The following FRMPD4 variants were observed in gnomAD, a reference collection of about 807,000 sequenced individuals.
FRMPD4 encodes FERM and PDZ domain containing 4.
FRMPD4 carries 22 observed loss-of-function variants against 94.1 expected under a neutral mutation model. That is an observed-to-expected ratio of 0.23 (90% confidence interval 0.17 to 0.33). The LOEUF (loss-of-function observed/expected upper bound fraction) is 0.33, where lower values mean the gene tolerates loss of function less well. FRMPD4 is among the 10% of genes least tolerant of loss of function. The pLI, the probability that FRMPD4 is intolerant of heterozygous loss-of-function variation, is 1.00. For synonymous variants in FRMPD4, 631 were observed against 548.6 expected, an observed-to-expected ratio of 1.15 and a Z score of -2.10; for missense variants, 1,111 against 1,339.9, an observed-to-expected ratio of 0.83 and a Z score of 2.67.
chrX:12,422,608 T>C (rs1038735231), intron 1 of FRMPD4, among the ~76,000 whole-genome samples: 1 of 112,095 alleles, frequency 8.9e-6, no homozygotes, highest in Non-Finnish European at 1.9e-5. Context: ...TTCAGAATGA[T>C]TACAGAGGAT....
At chrX:11,953,373 G>A (rs2054236083) in intron 3 of FRMPD4, among the ~76,000 whole-genome samples, 1 of 111,741 alleles carries the variant, frequency 8.9e-6, no homozygotes, top group Admixed American at 9.5e-5. Context: ...TTAAAGATAA[G>A]TCTCATTAAA....
chrX:12,280,760 C>T (rs775446169), intron 1 of FRMPD4, among the ~76,000 whole-genome samples: 5 of 111,565 alleles, frequency 4.5e-5, no homozygotes, highest in African/African-American at 1.6e-4. Flanking sequence ...ACACATCTCT[C>T]TGTTTCAGCC....
chrX:12,487,323 T>C (rs1414750872), intron 1 of FRMPD4, among the ~76,000 whole-genome samples: 4 of 112,156 alleles, frequency 3.6e-5, no homozygotes, highest in South Asian at 3.7e-4. Flanking sequence ...AAAATTGTGC[T>C]CAATAAAAGG....
intron 1 of FRMPD4, among the ~76,000 whole-genome samples, chrX:12,293,625 G>A (rs6530499): frequency 0.046 from 5,126 of 112,473 alleles, 296 homozygotes; most frequent in African/African-American, 0.16. Flanking sequence ...GTGCAAGTCA[G>A]CCTGTGCTTT....
At chrX:12,266,389 C>T (rs191808158) in intron 1 of FRMPD4, among the ~76,000 whole-genome samples, 1,280 of 111,117 alleles carry the variant, frequency 0.012, 21 homozygotes, top group African/African-American at 0.04. Flanking sequence ...TGGCTCTTTT[C>T]CTTATGATTC....
At chrX:12,215,208 G>A (rs1380433723) in intron 1 of FRMPD4, among the ~76,000 whole-genome samples, 2 of 111,159 alleles carry the variant, frequency 1.8e-5, no homozygotes, top group African/African-American at 6.5e-5. Context: ...TTTTTGAGAG[G>A]CATTTATTTA....
intron 3 of FRMPD4, among the ~76,000 whole-genome samples, chrX:12,059,113 C>G (rs913104447): frequency 2.3e-4 from 26 of 111,409 alleles, no homozygotes; most frequent in African/African-American, 8.1e-4. Context: ...GTACAGACAC[C>G]TTTTATAAAT....
At chrX:12,420,552 G>A (rs1366288992) in intron 1 of FRMPD4, among the ~76,000 whole-genome samples, 1 of 111,732 alleles carries the variant, frequency 8.9e-6, no homozygotes, top group Admixed American at 9.5e-5. Context: ...TGCTGCCATG[G>A]GCTCTCCCCT....
At chrX:12,367,916 C>T (rs751760684) in intron 1 of FRMPD4, among the ~76,000 whole-genome samples, 27 of 112,072 alleles carry the variant, frequency 2.4e-4, no homozygotes, top group Admixed American at 2.8e-4. Flanking sequence ...CCTGACTATA[C>T]CTGTCTATCC....
chrX:12,269,558 C>T (rs1308261794), intron 1 of FRMPD4, among the ~76,000 whole-genome samples: 4 of 112,340 alleles, frequency 3.6e-5, no homozygotes. Context: ...TTGTTTGAAA[C>T]TATGTCTAAG....
chrX:12,612,433 A>G (rs1239444779), intron 3 of FRMPD4, among the ~76,000 whole-genome samples: 3 of 112,371 alleles, frequency 2.7e-5, no homozygotes, highest in South Asian at 7.4e-4. Flanking sequence ...AGCTGTGTCT[A>G]TCATAAAAAT....
At chrX:11,829,991 TGGA>T (rs1410758556) in intron 1 of FRMPD4, among the ~76,000 whole-genome samples, 1 of 111,548 alleles carries the variant, frequency 9.0e-6, no homozygotes, top group East Asian at 2.8e-4. Context: ...GAAAAAGAGT[TGGA>T]GGAGAAGGGG....
intron 3 of FRMPD4, among the ~76,000 whole-genome samples, chrX:12,047,887 A>G (rs1435985540): frequency 8.9e-6 from 1 of 112,358 alleles, no homozygotes; most frequent in Non-Finnish European, 1.9e-5. Context: ...CATTTTCTTT[A>G]TCCAATCCAC....
chrX:12,447,900 G>A (rs189485993), intron 1 of FRMPD4, among the ~76,000 whole-genome samples: 198 of 111,693 alleles, frequency 1.8e-3, no homozygotes, highest in African/African-American at 5.9e-3. Flanking sequence ...TGTTGCCTTC[G>A]AACATCTGCT....
rs2042233829 is a variant in FRMPD4, at chrX:12,721,239, G to A, written c.4670G>A (p.Gly1557Glu). The change falls in exon 17 of 17, where the codon GGG becomes GAG. Residue 1557 changes from glycine (G) to glutamate (E), a missense_variant. Physicochemically the swap from Gly to Glu is moderately conservative, Grantham distance 98. Coordinates refer to ENST00000675598, the MANE Select transcript of FRMPD4 (RefSeq NM_001368397.1). ...CLAVAIQKQR[G>E]ELSRGSVLKV... is the part of the protein sequence containing the mutation. ...GCTGTGGCGATTCAGAAGCAACGAG[G>A]GGAGCTATCCAGAGGGTCAGTGCTG... The A allele has an allele frequency of 1.3e-6, 1 of 754,313 alleles. No individual in the cohort carries two copies. The highest frequency in any genetic ancestry group is 2.3e-5 in the African/African-American group (1 of 43,091). The allele number at this position is 754,313 out of a possible 1,213,427, so 62.2% of individuals were successfully genotyped here.
chrX:12,526,902 A>G (rs979051523), intron 2 of FRMPD4, among the ~76,000 whole-genome samples: 15 of 112,075 alleles, frequency 1.3e-4, no homozygotes, highest in Admixed American at 9.5e-5. Flanking sequence ...TAAATTCTCA[A>G]TCTTTCACAA....
intron 2 of FRMPD4, among the ~76,000 whole-genome samples, chrX:12,579,783 G>T (rs2058847047): frequency 9.0e-6 from 1 of 111,504 alleles, no homozygotes; most frequent in Admixed American, 9.6e-5. Context: ...CAGTCCAAAG[G>T]TATTGACAAT....
intron 3 of FRMPD4, among the ~76,000 whole-genome samples, chrX:12,019,435 T>C (rs1334109192): frequency 9.1e-6 from 1 of 110,160 alleles, no homozygotes; most frequent in African/African-American, 3.3e-5. Context: ...TTCAATCCTG[T>C]TTACACTCTG....
intron 3 of FRMPD4, among the ~76,000 whole-genome samples, chrX:11,898,630 A>G (rs1471068915): frequency 8.9e-6 from 1 of 112,165 alleles, no homozygotes; most frequent in Non-Finnish European, 1.9e-5. Flanking sequence ...AAAACATCAC[A>G]TTGTACTCCA....
Sources: allele counts gnomAD v4.1 joint callset (sites outside exome capture counted in the v4.1 genomes callset), GRCh38; gene constraint gnomAD v4.1.1; transcripts MANE v1.5; gene names NCBI Gene and HGNC (gene_info 2026-07-23, HGNC 2026-07-21).